The following MTMR8 variants were observed in gnomAD, a reference collection of about 807,000 sequenced individuals.
The protein encoded by MTMR8 is phosphatidylinositol-3,5-bisphosphate 3-phosphatase MTMR8.
Under a neutral mutation model 39.3 loss-of-function variants are expected in MTMR8, and 65 were observed. That is an observed-to-expected ratio of 1.65 (90% confidence interval 1.35 to 2.03). MTMR8 has a LOEUF of 2.03. Ranked by LOEUF, MTMR8 falls within the 30% of genes most tolerant of loss-of-function variation. The probability of loss-of-function intolerance (pLI) is 0.00; values close to 1 mark genes in which losing one functional copy is unlikely to be tolerated. For missense variants in MTMR8, 777 were observed against 538.9 expected (o/e 1.44, Z -4.37); for synonymous variants, 245 against 185.2 (o/e 1.32, Z -2.62).
chrX:64,334,415 G>A (rs1923019808), intron 10 of MTMR8, among the ~76,000 whole-genome samples: 1 of 108,204 alleles, frequency 9.2e-6, no homozygotes, highest in Admixed American at 1.0e-4. Context: ...AATTCTGGTA[G>A]CCTACTAATT....
At chrX:64,334,570 TA>T (rs537003359) in intron 10 of MTMR8, among the ~76,000 whole-genome samples, 4,451 of 69,304 alleles carry the variant, frequency 0.064, 393 homozygotes, top group African/African-American at 0.18. Flanking sequence ...TCTTTCAGCT[TA>T]AAAAAAAAAA....
At chrX:64,301,510 C>T (rs1205147858) in intron 12 of MTMR8, among the ~76,000 whole-genome samples, 3 of 108,506 alleles carry the variant, frequency 2.8e-5, no homozygotes, top group Non-Finnish European at 3.8e-5. Context: ...AACTTCTTTG[C>T]CTTTGGTTTG....
chrX:64,302,173 T>A (rs376137545), intron 12 of MTMR8, among the ~76,000 whole-genome samples: 1 of 112,592 alleles, frequency 8.9e-6, no homozygotes, highest in Non-Finnish European at 1.9e-5. Context: ...GCCTCGCTGC[T>A]GCCTTGCAGT....
intron 4 of MTMR8, 48 bp downstream of exon 4, chrX:64,354,729 C>A: frequency 9.1e-7 from 1 of 1,094,503 alleles, no homozygotes; most frequent in South Asian, 2.2e-5. Flanking sequence ...TGATATTCTA[C>A]CATCTTAATT....
intron 12 of MTMR8, among the ~76,000 whole-genome samples, chrX:64,319,296 A>C (rs1922561698): frequency 1.8e-5 from 2 of 112,463 alleles, no homozygotes; most frequent in South Asian, 3.6e-4. Context: ...TTAGTTAAAA[A>C]AAGAGACTAC....
rs181188863 is a variant in MTMR8, at chrX:64,280,276, G to A, written c.1482-9203C>T. On this transcript the variant is annotated intron_variant, in intron 12 of 13. Transcript: ENST00000374852. Reference sequence around the variant, plus strand: ...AAAACTTCAGGCCAATATCCCTGATGAACATTGATGCAAAAATCCTCAATA... The same window carrying A: ...AAAACTTCAGGCCAATATCCCTGATAAACATTGATGCAAAAATCCTCAATA... Among the ~76,000 whole-genome samples, 269 of 112,001 alleles carry A rather than the reference G, an allele frequency of 2.4e-3. 2 individuals carry two copies. Among genetic ancestry groups the A allele is most frequent in the African/African-American group, 8.3e-3 (258 of 30,904 alleles).
intron 13 of MTMR8, among the ~76,000 whole-genome samples, chrX:64,270,718 T>C: frequency 8.9e-6 from 1 of 111,874 alleles, no homozygotes; most frequent in East Asian, 2.8e-4. Flanking sequence ...CAAAAAGAGA[T>C]AAAGGGAACA....
At chrX:64,343,970 C>A (rs1387279797) in intron 7 of MTMR8, among the ~76,000 whole-genome samples, 2 of 110,557 alleles carry the variant, frequency 1.8e-5, no homozygotes, top group Non-Finnish European at 3.8e-5. Context: ...AAGAAGAGAG[C>A]CAGAAGACTG....
intron 1 of MTMR8, among the ~76,000 whole-genome samples, chrX:64,374,201 G>T (rs1021463637): frequency 9.0e-6 from 1 of 111,648 alleles, no homozygotes; most frequent in African/African-American, 3.3e-5. Flanking sequence ...ACATCCTGTG[G>T]TAAATGCCAA....
intron 6 of MTMR8, among the ~76,000 whole-genome samples, chrX:64,346,494 T>C (rs1302905760): frequency 9.1e-6 from 1 of 110,445 alleles, no homozygotes; most frequent in Non-Finnish European, 1.9e-5. Flanking sequence ...GCATAAGCAA[T>C]AGTCACCTAG....
Position 64,387,082 on chromosome X carries a change from C to T in MTMR8, c.24+8258G>A, listed in dbSNP as rs191719593. Among the ~76,000 whole-genome samples the T allele has an allele frequency of 8.1e-5, 9 of 110,973 alleles. No homozygotes were observed. In the East Asian group the frequency reaches 1.7e-3, roughly 21 times the overall value. On this transcript the variant is annotated intron_variant, in intron 1 of 13. Transcript: ENST00000374852. ...AAAGAAAAGAAAGAAACTAGGCTTG[C>T]CCCTGCTAGACAAAGTGTATTGTGA...
intron 12 of MTMR8, among the ~76,000 whole-genome samples, chrX:64,282,156 G>A (rs1932030041): frequency 9.0e-6 from 1 of 111,673 alleles, no homozygotes; most frequent in Non-Finnish European, 1.9e-5. Context: ...GTGGAAGACA[G>A]GGTGGAGATT....
chrX:64,292,708 C>A (rs1921441626), intron 12 of MTMR8, among the ~76,000 whole-genome samples: 1 of 111,062 alleles, frequency 9.0e-6, no homozygotes, highest in South Asian at 3.8e-4. Context: ...TCCAGTCTCT[C>A]CGTAAGGACC....
rs779338747 is a variant in MTMR8 at position 64,304,682 on chromosome X, C to T, written c.1481+24090G>A. Among the ~76,000 whole-genome samples the T allele has an allele frequency of 8.5e-5, 9 of 106,500 alleles. No homozygotes were observed. The South Asian group carries it at 3.9e-3, about 46-fold the overall frequency. The allele number at this position is 106,500 out of a possible 115,157, so 92.5% of individuals were successfully genotyped here. A position where few individuals can be genotyped will look rare whatever the true frequency, so the allele number is the denominator to read the frequency against. On this transcript the variant is annotated intron_variant, in intron 12 of 13. Transcript: ENST00000374852. ...TGTAGCCCTTTTTACTATGAACAGC[C>T]TAAATAAGCATTCATGTAAAGTTTT...
At chrX:64,366,337 A>G (rs1373943144) in intron 1 of MTMR8, among the ~76,000 whole-genome samples, 1 of 111,919 alleles carries the variant, frequency 8.9e-6, no homozygotes, top group East Asian at 2.8e-4. Flanking sequence ...TTATTCCAAA[A>G]TTGACCACAT....
rs1386078818 is a variant in MTMR8, at chrX:64,331,721, G to A, written c.1188C>T (p.Ser396=). ...GHLDGDSKEV[S]PIFTQFLDCI... Reference sequence around the variant, plus strand: ...AGTCTAGGAACTGGGTGAAGATAGGGGACACTTCTTTAGAGTCCCCATCGA... The same window carrying A: ...AGTCTAGGAACTGGGTGAAGATAGGAGACACTTCTTTAGAGTCCCCATCGA... Residue 396 remains serine, a synonymous_variant, in exon 11 of 14, where the codon TCC becomes TCT. Coordinates refer to ENST00000374852, the MANE Select transcript of MTMR8 (RefSeq NM_017677.4). The A allele has an allele frequency of 1.7e-5, 20 of 1,210,147 alleles. No homozygotes were observed. Among genetic ancestry groups the A allele is most frequent in the Non-Finnish European group, 2.2e-5 (20 of 894,463 alleles).
intron 4 of MTMR8, 28 bp downstream of exon 4, chrX:64,354,749 A>T (rs1923578017): frequency 8.7e-7 from 1 of 1,155,209 alleles, no homozygotes; most frequent in Admixed American, 2.8e-5. Context: ...TAAATGCACC[A>T]AAAGGCAAAC....
intron 12 of MTMR8, among the ~76,000 whole-genome samples, chrX:64,290,933 T>A (rs1451773281): frequency 8.9e-6 from 1 of 112,044 alleles, no homozygotes; most frequent in Non-Finnish European, 1.9e-5. Flanking sequence ...GTAGAGGTTT[T>A]CATATAAACA....
intron 1 of MTMR8, among the ~76,000 whole-genome samples, chrX:64,361,733 G>T (rs761225460): frequency 1.4e-3 from 156 of 111,344 alleles, no homozygotes; most frequent in Non-Finnish European, 2.5e-3. Flanking sequence ...TATGAATAAT[G>T]AAGAAACTAA....
Sources: allele counts gnomAD v4.1 joint callset (sites outside exome capture counted in the v4.1 genomes callset), GRCh38; gene constraint gnomAD v4.1.1; transcripts MANE v1.5; gene names NCBI Gene and HGNC (gene_info 2026-07-23, HGNC 2026-07-21).